The following TJP2 variants were observed in gnomAD, a reference collection of about 807,000 sequenced individuals.
TJP2 encodes the protein tight junction protein 2.
In TJP2, 91 loss-of-function variants were observed where a neutral mutation model predicts 133.1. That is an observed-to-expected ratio of 0.68 (90% CI 0.58 to 0.81). The LOEUF is 0.81. TJP2 is among the 40% of genes least tolerant of loss of function. The pLI, the probability that TJP2 is intolerant of heterozygous loss-of-function variation, is 0.00. For synonymous variants in TJP2, 592 were observed against 583.4 expected, an observed-to-expected ratio of 1.01 and a Z score of -0.21; for missense variants, 1,541 against 1,565.6, an observed-to-expected ratio of 0.98 and a Z score of 0.26.
chr9:69,121,377 C>T, upstream of TJP2: 2 of 983,754 alleles, frequency 2.0e-6, no homozygotes, highest in Non-Finnish European at 2.4e-6. Context: ...TGACAGCCGC[C>T]GCCCACCCCC....
intron 1 of TJP2, among the ~76,000 whole-genome samples, chr9:69,192,558 G>C (rs891323375): frequency 6.6e-6 from 1 of 152,136 alleles, no homozygotes; most frequent in Non-Finnish European, 1.5e-5. Context: ...ATTTTCTTTC[G>C]CTAGACAGTT....
chr9:69,144,397 G>C (rs1031763605), intron 1 of TJP2, among the ~76,000 whole-genome samples: 1 of 152,284 alleles, frequency 6.6e-6, no homozygotes, highest in African/African-American at 2.4e-5. Context: ...GTTAATCAGA[G>C]TTACTGCATA....
upstream of TJP2, chr9:69,121,391 C>A: frequency 1.0e-6 from 1 of 974,350 alleles, no homozygotes; most frequent in South Asian, 4.7e-5. Flanking sequence ...CACCCCCTTC[C>A]CCTCCCCGCC....
intron 1 of TJP2, among the ~76,000 whole-genome samples, chr9:69,184,919 T>G (rs768663790): frequency 1.3e-5 from 2 of 151,998 alleles, no homozygotes; most frequent in Non-Finnish European, 2.9e-5. Flanking sequence ...CTGGCTAATT[T>G]TTAAATATTT....
At chr9:69,152,563 G>A (rs1001501682) in intron 2 of TJP2, among the ~76,000 whole-genome samples, 3 of 152,080 alleles carry the variant, frequency 2.0e-5, no homozygotes, top group African/African-American at 7.2e-5. Flanking sequence ...TCCTAGTCCT[G>A]CTGCCTTCTA....
chr9:69,199,058 A>C (rs899624181), intron 1 of TJP2, among the ~76,000 whole-genome samples: 2 of 152,220 alleles, frequency 1.3e-5, no homozygotes, highest in Admixed American at 6.5e-5. Context: ...AGTAAGCAGA[A>C]TTTTGACTAA....
rs755062873 is a variant in TJP2, at chr9:69,237,121, G to A, written c.2164G>A (p.Val722Ile). 4.3e-6 allele frequency: 7 copies of A among 1,614,006 alleles called. No individual in the cohort carries two copies. In the Admixed American group the frequency reaches 6.7e-5, roughly 15 times the overall value. ...VSTKFPAYER[V>I]LLREAGFKRP... is the part of the protein sequence containing the mutation. The stretch of plus-strand genomic sequence containing the variant: ...CACCAAGTTCCCAGCTTATGAGAGG[G>A]TTTTGCTGCGAGAAGGTGAGGAAGT... The change falls in exon 14 of 23, where the codon GTT becomes ATT. Residue 722 changes from valine (V) to isoleucine (I), a missense_variant. Physicochemically the swap from Val to Ile is conservative, Grantham distance 29. Transcript: ENST00000377245.
chr9:69,169,897 A>AGTG (rs1408569042), upstream of TJP2, among the ~76,000 whole-genome samples: 4 of 152,168 alleles, frequency 2.6e-5, no homozygotes, highest in African/African-American at 9.7e-5. Context: ...GCTGCAGTAT[A>AGTG]GTGGTGCAGT....
At chr9:69,226,999 T>A (rs1485296104) in intron 7 of TJP2, among the ~76,000 whole-genome samples, 1 of 152,102 alleles carries the variant, frequency 6.6e-6, no homozygotes, top group Non-Finnish European at 1.5e-5. Flanking sequence ...GATAACATTT[T>A]AACCTTGTAA....
intron 1 of TJP2, among the ~76,000 whole-genome samples, chr9:69,188,097 C>T (rs957572641): frequency 1.3e-5 from 2 of 152,212 alleles, no homozygotes; most frequent in Admixed American, 6.5e-5. Context: ...GGGGCTGGCT[C>T]ACTCCAGCTC....
At chr9:69,154,864 T>C (rs1276831152) in intron 2 of TJP2, among the ~76,000 whole-genome samples, 1 of 152,066 alleles carries the variant, frequency 6.6e-6, no homozygotes, top group Non-Finnish European at 1.5e-5. Context: ...GAAATCTCAT[T>C]GTTAGGCAAT....
At chr9:69,154,332 G>T (rs1823631683) in intron 2 of TJP2, among the ~76,000 whole-genome samples, 1 of 152,138 alleles carries the variant, frequency 6.6e-6, no homozygotes, top group Non-Finnish European at 1.5e-5. Flanking sequence ...GGCAATGTCC[G>T]GCGTGGGTGG....
chr9:69,240,990 T>C (rs1243051417), intron 17 of TJP2, among the ~76,000 whole-genome samples: 3 of 152,166 alleles, frequency 2.0e-5, no homozygotes, highest in Non-Finnish European at 4.4e-5. Context: ...TTTGCCTAAA[T>C]AGTCTGCAGT....
chr9:69,218,970 AT>A (rs749157849), intron 4 of TJP2, among the ~76,000 whole-genome samples: 359 of 59,690 alleles, frequency 6.0e-3, no homozygotes, highest in Middle Eastern at 0.011. Context: ...GTGTGTGTGT[AT>A]TTTTTTTTTT....
At chr9:69,218,528 T>C in intron 4 of TJP2, 169 bp downstream of exon 4, 1 of 666,262 alleles carries the variant, frequency 1.5e-6, no homozygotes, top group Non-Finnish European at 2.7e-6. Flanking sequence ...TAAGTTATCT[T>C]CCTACTTTTC....
intron 3 of TJP2, among the ~76,000 whole-genome samples, chr9:69,217,368 G>A (rs1224698966): frequency 2.0e-5 from 3 of 152,206 alleles, no homozygotes; most frequent in Non-Finnish European, 4.4e-5. Flanking sequence ...TTAACTGTAT[G>A]GCTGCATTGG....
intron 2 of TJP2, 48 bp from the exon 3 acceptor site, chr9:69,216,291 A>G (rs756270760): frequency 2.1e-5 from 34 of 1,612,404 alleles, no homozygotes; most frequent in African/African-American, 1.3e-5. Context: ...TAAATCCTGA[A>G]AGCCACTTAT....
At chr9:69,151,788 T>C (rs1243328904) in intron 2 of TJP2, 1 of 1,232,024 alleles carries the variant, frequency 8.1e-7, no homozygotes, top group Non-Finnish European at 1.0e-6. Context: ...GCTTATTTAA[T>C]CTCTCATCAA....
At chr9:69,174,146 C>T (rs1824864709), upstream of TJP2, 5 of 1,260,308 alleles carry the variant, frequency 4.0e-6, no homozygotes, top group Non-Finnish European at 5.0e-6. Flanking sequence ...TTGACAGTTT[C>T]CCGGGCCGGG....
Sources: allele counts gnomAD v4.1 joint callset (sites outside exome capture counted in the v4.1 genomes callset), GRCh38; gene constraint gnomAD v4.1.1; transcripts MANE v1.5; gene names NCBI Gene and HGNC (gene_info 2026-07-23, HGNC 2026-07-21).